Variants in LIPA observed in about 807,000 individuals in gnomAD.
LIPA encodes lipase A, lysosomal acid type.
In LIPA, 26 loss-of-function variants were observed where a neutral mutation model predicts 40.6. That is an observed-to-expected ratio of 0.64 (90% CI 0.47 to 0.89). The LOEUF (loss-of-function observed/expected upper bound fraction) is 0.89. Ranked by LOEUF, LIPA falls within the 40% of genes least tolerant of loss-of-function variation. The pLI is 0.00. For synonymous variants in LIPA, 188 were observed against 168.4 expected, an observed-to-expected ratio of 1.12 and a Z score of -0.90; for missense variants, 455 against 479.6, an observed-to-expected ratio of 0.95 and a Z score of 0.48.
intron 2 of LIPA, chr10:89,383,596 C>G: frequency 6.2e-7 from 1 of 1,614,218 alleles, no homozygotes; most frequent in Non-Finnish European, 8.5e-7. Context: ...TATTAGAAGT[C>G]TGGTGACCTG....
intron 1 of LIPA, among the ~76,000 whole-genome samples, chr10:89,270,006 G>T (rs1843256911): frequency 6.6e-6 from 1 of 152,198 alleles, no homozygotes; most frequent in African/African-American, 2.4e-5. Context: ...TTGAAGGATT[G>T]CTCAATTATG....
At chr10:89,275,057 AAAT>A (rs1440561910) in intron 1 of LIPA, among the ~76,000 whole-genome samples, 3 of 152,230 alleles carry the variant, frequency 2.0e-5, no homozygotes, top group Non-Finnish European at 2.9e-5. Context: ...GCTTTATAAT[AAAT>A]AATGTCTCAA....
chr10:89,215,080 A>C lies in LIPA; in HGVS notation c.967-19T>G. On this transcript the variant is annotated intron_variant, in intron 9 of 9. Coordinates refer to ENST00000336233, the MANE Select transcript of LIPA (RefSeq NM_000235.4). ...GATAACTCTACAATGAAAAGGAACC[A>C]GAGAAAGCCTCGTTGTTGTTGTTGT... The C allele has an allele frequency of 6.5e-7, 1 of 1,535,444 alleles. No individual in the cohort carries two copies.
chr10:89,384,506 C>A (rs767799915), intron 2 of LIPA: 6 of 1,613,702 alleles, frequency 3.7e-6, no homozygotes, highest in African/African-American at 1.3e-5. Flanking sequence ...CAAGATAAAG[C>A]AATTACCCAT....
chr10:89,291,370 A>G (rs903660165), intron 1 of LIPA, among the ~76,000 whole-genome samples: 1 of 151,914 alleles, frequency 6.6e-6, no homozygotes, highest in Non-Finnish European at 1.5e-5. Flanking sequence ...ATTCCACCCT[A>G]TTTCCCAGTC....
At chr10:89,365,506 T>C (rs1197140239) in intron 2 of LIPA, among the ~76,000 whole-genome samples, 1 of 152,252 alleles carries the variant, frequency 6.6e-6, no homozygotes, top group Non-Finnish European at 1.5e-5. Flanking sequence ...TCTGGAGTTT[T>C]AGACATGAAA....
At chr10:89,234,742 A>G (rs1236365351) in intron 3 of LIPA, among the ~76,000 whole-genome samples, 1 of 152,236 alleles carries the variant, frequency 6.6e-6, no homozygotes, top group Non-Finnish European at 1.5e-5. Context: ...GGTAAAACCT[A>G]TTGCTGTTCA....
At chr10:89,384,667 G>T in intron 2 of LIPA, 1 of 1,614,214 alleles carries the variant, frequency 6.2e-7, no homozygotes, top group East Asian at 2.2e-5. Flanking sequence ...ATTGAAAGGA[G>T]AAGTAAGTGA....
intron 2 of LIPA, among the ~76,000 whole-genome samples, chr10:89,365,683 C>T (rs1222330051): frequency 1.3e-5 from 2 of 151,958 alleles, no homozygotes; most frequent in African/African-American, 4.8e-5. Flanking sequence ...AGCCAGTTTT[C>T]CCAGCACCAT....
chr10:89,216,410 CA>C (rs1287679184), intron 8 of LIPA, among the ~76,000 whole-genome samples: 2 of 145,242 alleles, frequency 1.4e-5, no homozygotes, highest in Non-Finnish European at 3.0e-5. Context: ...TATATATATA[CA>C]TATATATATA....
intron 1 of LIPA, among the ~76,000 whole-genome samples, chr10:89,333,333 A>C (rs1843678755): frequency 6.6e-6 from 1 of 152,204 alleles, no homozygotes; most frequent in South Asian, 2.1e-4. Context: ...ATTGAGTAAA[A>C]CAGAAATAAG....
intron 1 of LIPA, among the ~76,000 whole-genome samples, chr10:89,288,026 C>T (rs534249590): frequency 7.0e-4 from 106 of 152,254 alleles, no homozygotes; most frequent in Non-Finnish European, 1.3e-3. Context: ...GGACTGACCC[C>T]GACACCCATC....
intron 2 of LIPA, chr10:89,393,399 C>T (rs1204842249): frequency 1.2e-6 from 1 of 819,272 alleles, no homozygotes; most frequent in Non-Finnish European, 1.7e-6. Context: ...ATCTTCCTTA[C>T]CTAAAGGGCC....
chr10:89,248,439 T>TA (rs377027356), intron 1 of LIPA, among the ~76,000 whole-genome samples: 30,347 of 77,444 alleles, frequency 0.39, 3,826 homozygotes, highest in Middle Eastern at 0.55. Context: ...TTATTATTAT[T>TA]TTATATTTAT....
chr10:89,361,722 G>A (rs1844022738), intron 2 of LIPA, among the ~76,000 whole-genome samples: 1 of 151,982 alleles, frequency 6.6e-6, no homozygotes, highest in South Asian at 2.1e-4. Flanking sequence ...AGGCTTCACA[G>A]CCTAGTATGG....
intron 1 of LIPA, among the ~76,000 whole-genome samples, chr10:89,271,151 G>A (rs1207266858): frequency 6.6e-6 from 1 of 152,202 alleles, no homozygotes; most frequent in East Asian, 1.9e-4. Context: ...TTCTCATGGG[G>A]AGTTCCATGT....
At chr10:89,251,552 C>A (rs1843121740) in intron 1 of LIPA, among the ~76,000 whole-genome samples, 185 bp downstream of exon 1, 1 of 152,228 alleles carries the variant, frequency 6.6e-6, no homozygotes, top group Non-Finnish European at 1.5e-5. Context: ...GGTTGATTGG[C>A]AGATGCCTTG....
intron 1 of LIPA, among the ~76,000 whole-genome samples, chr10:89,302,701 A>T (rs994752609): frequency 6.6e-6 from 1 of 152,240 alleles, no homozygotes; most frequent in Non-Finnish European, 1.5e-5. Context: ...AGTATGAATT[A>T]GAGATGGAGT....
At chr10:89,305,773 T>A (rs1253826452) in intron 1 of LIPA, among the ~76,000 whole-genome samples, 1 of 152,028 alleles carries the variant, frequency 6.6e-6, no homozygotes, top group African/African-American at 2.4e-5. Flanking sequence ...CTGCCCACAG[T>A]CCCTAAACTC....
Sources: gnomAD v4.1 joint callset for allele counts (sites outside exome capture counted in the v4.1 genomes callset) on GRCh38, gnomAD v4.1.1 for gene constraint, MANE v1.5 for transcripts, NCBI Gene and HGNC (gene_info 2026-07-23, HGNC 2026-07-21) for gene names.